SYS1: variants seen among roughly 807,000 people sequenced by gnomAD.
SYS1 encodes the protein SYS1 golgi trafficking protein.
A neutral mutation model predicts 17.8 loss-of-function variants in SYS1; 8 were observed. The ratio of observed to expected loss-of-function variants is 0.45; its 90% CI spans 0.26 to 0.81. The LOEUF is 0.81. SYS1 is among the 40% of genes least tolerant of loss of function. The pLI, the probability that SYS1 is intolerant of heterozygous loss-of-function variation, is 0.16. For synonymous variants in SYS1, 95 were observed against 90.9 expected, an observed-to-expected ratio of 1.05 and a Z score of -0.26; for missense variants, 161 against 203.9, an observed-to-expected ratio of 0.79 and a Z score of 1.28.
chr20:45,368,131 CT>C lies in SYS1; in HGVS notation c.*1019del. 1.0e-6 allele frequency: 1 copy of C among 985,422 alleles called. No homozygotes were observed. Among genetic ancestry groups the C allele is most frequent in the African/African-American group, 1.7e-5 (1 of 57,344 alleles). The allele number at this position is 985,422 out of a possible 1,614,324, so 61.0% of individuals were successfully genotyped here. A position where few individuals can be genotyped will look rare whatever the true frequency, so the allele number is the denominator to read the frequency against. ...TTTTCCATGGTTCTGCCTGCACTTA[CT>C]TTGTAATGCCACGGTTGAGATTGAG... On this transcript the variant is annotated 3_prime_UTR_variant, in exon 4 of 4. Transcript: ENST00000243918.
At chr20:45,373,805 A>G, downstream of SYS1, 3 of 1,169,342 alleles carry the variant, frequency 2.6e-6, no homozygotes, top group South Asian at 3.8e-5. Flanking sequence ...TGAAGTCGCG[A>G]CACAGGCTCC....
At chr20:45,374,453 G>A in exon 4 of SYS1, 1 of 572,062 alleles carries the variant, frequency 1.7e-6, no homozygotes, top group South Asian at 2.4e-5. Context: ...TAAATTTTTT[G>A]TAGAGACAGT....
exon 4 of SYS1, chr20:45,375,930 C>A (rs1182652796): frequency 5.1e-6 from 1 of 195,586 alleles, no homozygotes; most frequent in African/African-American, 2.4e-5. Context: ...ATGTCACCTC[C>A]CCTGACCCAC....
In SYS1 at chr20:45,367,850, A is replaced by G. The variant is rs1026525658; in HGVS notation, c.*735A>G. On this transcript the variant is annotated 3_prime_UTR_variant, in exon 4 of 4. Coordinates refer to ENST00000243918, the MANE Select transcript of SYS1 (RefSeq NM_033542.4). Reference sequence around the variant, plus strand: ...GCGTTGCTCAAAGTCTAACCATCATAAAGACACTGCCTGTCTTCTAGGAAT... The same window carrying G: ...GCGTTGCTCAAAGTCTAACCATCATGAAGACACTGCCTGTCTTCTAGGAAT... 1.0e-6 allele frequency: 1 copy of G among 985,854 alleles called. No homozygotes were observed. The allele number at this position is 985,854 out of a possible 1,614,324, so 61.1% of individuals were successfully genotyped here. A position where few individuals can be genotyped will look rare whatever the true frequency, so the allele number is the denominator to read the frequency against.
chr20:45,373,879 A>T (rs752541157), downstream of SYS1: 5 of 1,592,872 alleles, frequency 3.1e-6, no homozygotes, highest in East Asian at 1.1e-4. Flanking sequence ...AGTAAGCAGT[A>T]TTCGTCTTAG....
exon 4 of SYS1, chr20:45,374,949 A>G: frequency 2.0e-6 from 3 of 1,523,276 alleles, no homozygotes; most frequent in Admixed American, 2.0e-5. Context: ...TCAAGACTCC[A>G]GATCCTGAAC....
At chr20:45,370,315 C>T (rs1988535206), downstream of SYS1, among the ~76,000 whole-genome samples, 1 of 152,092 alleles carries the variant, frequency 6.6e-6, no homozygotes, top group South Asian at 2.1e-4. Context: ...GAGTACTAGC[C>T]CACTACTGAG....
chr20:45,368,462 A>C lies in SYS1; in HGVS notation c.*1347A>C, dbSNP rs747450608. 7.2e-5 allele frequency: 71 copies of C among 985,296 alleles called. No homozygotes were observed. Among genetic ancestry groups the C allele is most frequent in the Non-Finnish European group, 8.3e-5 (69 of 829,934 alleles). 61.0% of individuals were successfully genotyped at this position (985,296 alleles called of 1,614,324 possible). On this transcript the variant is annotated 3_prime_UTR_variant, in exon 4 of 4. Transcript: ENST00000243918. ...GGTTTCTTCAGAGCTTTCCCAAGAG[A>C]GCTGTCAGTTTTCAGCTGTCAGTAA...
upstream of SYS1, among the ~76,000 whole-genome samples, chr20:45,362,358 TA>T (rs1988249960): frequency 6.6e-6 from 1 of 150,588 alleles, no homozygotes; most frequent in African/African-American, 2.5e-5. Flanking sequence ...TTTATTTATT[TA>T]TTTATTTATT....
At chr20:45,374,802 C>G (rs1419498751) in exon 4 of SYS1, 2 of 561,174 alleles carry the variant, frequency 3.6e-6, no homozygotes, top group Non-Finnish European at 6.2e-6. Flanking sequence ...CTTCAGTGCC[C>G]CTCCTTCCAC....
At chr20:45,369,596 CTTTTTTTTTTTT>C (rs573922300), downstream of SYS1, among the ~76,000 whole-genome samples, 1 of 102,892 alleles carries the variant, frequency 9.7e-6, no homozygotes. Flanking sequence ...CAGAGATTTC[CTTTTTTTTTTTT>C]TTTTTTTTTT....
chr20:45,374,524 G>A (rs1477000542), exon 4 of SYS1: 12 of 526,214 alleles, frequency 2.3e-5, no homozygotes, highest in Non-Finnish European at 3.7e-5. Context: ...TTCCTGCCTC[G>A]ACCTCCCAAG....
intron 3 of SYS1, chr20:45,365,913 A>G (rs760781759): frequency 1.8e-6 from 1 of 564,582 alleles, no homozygotes; most frequent in Non-Finnish European, 3.2e-6. Context: ...CTGCAAGACA[A>G]CTTCCATCTC....
chr20:45,363,780 G>C (rs1239394227), intron 2 of SYS1, 87 bp downstream of exon 2: 1 of 1,382,822 alleles, frequency 7.2e-7, no homozygotes, highest in Non-Finnish European at 9.7e-7. Flanking sequence ...AGACGTGGCT[G>C]GGTCACCTTC....
rs190496465 is a variant in SYS1 at position 45,363,364 on chromosome 20, G to A, written c.-4+49G>A. On this transcript the variant is annotated intron_variant, in intron 1 of 3. Transcript: ENST00000243918. ...GTGTACGGGCGGGGGCCGCGCAGGC[G>A]GAATGGGCTGGATTTCCCCTCACTC... is the stretch of plus-strand genomic sequence containing the variant. The A allele has an allele frequency of 8.5e-4, 1,218 of 1,426,102 alleles. 8 individuals carry two copies. The African/African-American group carries it at 0.016, about 19-fold the overall frequency. 88.3% of individuals were successfully genotyped at this position (1,426,102 alleles called of 1,614,324 possible).
chr20:45,375,121 G>A, exon 4 of SYS1: 1 of 1,614,140 alleles, frequency 6.2e-7, no homozygotes, highest in Non-Finnish European at 8.5e-7. Flanking sequence ...CAGGGTGGAG[G>A]ATCTGCACAT....
chr20:45,371,364 G>A (rs186869607), downstream of SYS1, among the ~76,000 whole-genome samples: 1 of 152,292 alleles, frequency 6.6e-6, no homozygotes, highest in East Asian at 1.9e-4. Flanking sequence ...ACAGAACAGG[G>A]ACATTTTTCT....
At position 45,367,372 on chromosome 20, in the gene SYS1, G is replaced by T. The variant is rs2664543; in HGVS notation, c.*257G>T. 0.63 allele frequency: 821,868 copies of T among 1,302,902 alleles called. 263,049 individuals carry two copies. Among genetic ancestry groups the T allele is most frequent in the African/African-American group, 0.74 (49,515 of 66,984 alleles). The allele number at this position is 1,302,902 out of a possible 1,614,324, so 80.7% of individuals were successfully genotyped here. A position where few individuals can be genotyped will look rare whatever the true frequency, so the allele number is the denominator to read the frequency against. On this transcript the variant is annotated 3_prime_UTR_variant, in exon 4 of 4. Coordinates refer to ENST00000243918, the MANE Select transcript of SYS1 (RefSeq NM_033542.4). ...GGGGACCTCTTTGAGGGTAATAACA[G>T]AATTGGAACCATGCCACTCTTGAGC...
At chr20:45,365,898 G>T in intron 3 of SYS1, 1 of 587,710 alleles carries the variant, frequency 1.7e-6, no homozygotes, top group Non-Finnish European at 3.1e-6. Flanking sequence ...CTATGTTTGT[G>T]CTGCCTGCAA....
Sources: gnomAD v4.1 joint callset for allele counts (sites outside exome capture counted in the v4.1 genomes callset) on GRCh38, gnomAD v4.1.1 for gene constraint, MANE v1.5 for transcripts, NCBI Gene and HGNC (gene_info 2026-07-23, HGNC 2026-07-21) for gene names.